Variants in MBNL2 observed in about 807,000 individuals in gnomAD.
MBNL2 encodes muscleblind-like protein 2.
Under a neutral mutation model 41.9 loss-of-function variants are expected in MBNL2, and 17 were observed. That is an observed-to-expected ratio of 0.41 (90% confidence interval 0.28 to 0.61). MBNL2 has a LOEUF of 0.61. MBNL2 is among the 20% of genes least tolerant of loss of function. The pLI is 0.35. For missense variants in MBNL2, 336 were observed against 505.6 expected (o/e 0.66, Z 3.22); for synonymous variants, 195 against 182.9 (o/e 1.07, Z -0.53).
chr13:97,323,295 T>C (rs942873885), intron 2 of MBNL2, among the ~76,000 whole-genome samples: 1 of 152,226 alleles, frequency 6.6e-6, no homozygotes, highest in Non-Finnish European at 1.5e-5. Flanking sequence ...AAAAATTGAC[T>C]AGCTTCTGGA....
upstream of MBNL2, among the ~76,000 whole-genome samples, chr13:97,221,899 C>A (rs2040891035): frequency 2.0e-5 from 3 of 152,132 alleles, no homozygotes; most frequent in South Asian, 4.1e-4. Context: ...CCATGGCAGA[C>A]GTTGAATTAT....
At chr13:97,215,547 G>A in the MBNL2 span, among the ~76,000 whole-genome samples, 1 of 152,228 alleles carries the variant, frequency 6.6e-6, no homozygotes, top group Non-Finnish European at 1.5e-5. Context: ...CAGGAAATGA[G>A]AGTTGTGGTT....
chr13:97,328,262 C>G (rs1177972724), intron 2 of MBNL2, among the ~76,000 whole-genome samples: 1 of 150,396 alleles, frequency 6.6e-6, no homozygotes, highest in African/African-American at 2.5e-5. Flanking sequence ...AGAGCAAGAG[C>G]CTTTGTCTTG....
At chr13:97,183,612 G>A in the MBNL2 span, among the ~76,000 whole-genome samples, 3 of 152,146 alleles carry the variant, frequency 2.0e-5, no homozygotes, top group Non-Finnish European at 2.9e-5. Flanking sequence ...TTTACAGTTT[G>A]ACAATTTTAC....
At chr13:97,178,619 G>A in the MBNL2 span, among the ~76,000 whole-genome samples, 3 of 152,190 alleles carry the variant, frequency 2.0e-5, no homozygotes, top group South Asian at 2.1e-4. Flanking sequence ...TAGTAAGCCA[G>A]GCACAATAGC....
chr13:97,352,053 TAAATAAATAATA>T (rs1438365306), intron 5 of MBNL2, among the ~76,000 whole-genome samples: 54 of 134,692 alleles, frequency 4.0e-4, no homozygotes, highest in African/African-American at 1.5e-3. Context: ...AATAAATAAA[TAAATAAATAATA>T]AATAAATAAA....
intron 5 of MBNL2, among the ~76,000 whole-genome samples, chr13:97,354,932 TGAG>T (rs967580805): frequency 6.6e-6 from 1 of 152,168 alleles, no homozygotes; most frequent in African/African-American, 2.4e-5. Flanking sequence ...ATGTGCTCTA[TGAG>T]AATAGGCTTT....
the MBNL2 span, among the ~76,000 whole-genome samples, chr13:97,212,444 C>A: frequency 5.3e-5 from 8 of 152,154 alleles, no homozygotes; most frequent in Non-Finnish European, 1.2e-4. Flanking sequence ...ATTGCCTGAT[C>A]CCCTCTACCA....
At chr13:97,145,718 T>C in the MBNL2 span, among the ~76,000 whole-genome samples, 1 of 152,228 alleles carries the variant, frequency 6.6e-6, no homozygotes, top group Non-Finnish European at 1.5e-5. Context: ...TGTAACTATA[T>C]TATGAAATAA....
intron 1 of MBNL2, among the ~76,000 whole-genome samples, chr13:97,238,101 T>C (rs1594075609): frequency 2.0e-5 from 3 of 152,250 alleles, no homozygotes; most frequent in African/African-American, 7.2e-5. Flanking sequence ...TTGGCTCTGA[T>C]CATTAAGAGT....
chr13:97,382,153 A>G (rs1594295112), intron 8 of MBNL2, among the ~76,000 whole-genome samples: 1 of 152,214 alleles, frequency 6.6e-6, no homozygotes, highest in Non-Finnish European at 1.5e-5. Context: ...ATCCTGCTTT[A>G]GTACACATAC....
chr13:97,298,435 G>A (rs948916697), intron 2 of MBNL2, among the ~76,000 whole-genome samples: 1 of 152,162 alleles, frequency 6.6e-6, no homozygotes, highest in Non-Finnish European at 1.5e-5. Flanking sequence ...CACCTAGAAT[G>A]CAGGCTGGAA....
rs552317962 is a variant in MBNL2, at chr13:97,338,606, G to A, written c.339+4166G>A. 2.0e-5 allele frequency among the ~76,000 whole-genome samples: 3 copies of A among 152,206 alleles called. No homozygotes were observed. In the South Asian group the frequency reaches 6.2e-4, roughly 32 times the overall value. On this transcript the variant is annotated intron_variant, in intron 3 of 8. Transcript: ENST00000679496. ...AGCAGCTTTTCTCTCCCCAATTCCT[G>A]ATAGAATAGGACAGGAATTCTTCCC...
intron 1 of MBNL2, among the ~76,000 whole-genome samples, chr13:97,262,232 A>G (rs2048772964): frequency 6.6e-6 from 1 of 152,156 alleles, no homozygotes; most frequent in Admixed American, 6.5e-5. Context: ...TTCTCCAGGC[A>G]CTGAGTGCCT....
chr13:97,183,639 G>A, the MBNL2 span, among the ~76,000 whole-genome samples: 7 of 152,152 alleles, frequency 4.6e-5, no homozygotes, highest in Non-Finnish European at 7.3e-5. Flanking sequence ...AGTTGGGTAC[G>A]CCTCCAAAAG....
At position 97,276,144 on chromosome 13, in the gene MBNL2, G is replaced by A; in HGVS notation, c.-92G>A. 2 of 944,236 alleles carry A rather than the reference G, an allele frequency of 2.1e-6. No homozygotes were observed. Among genetic ancestry groups the A allele is most frequent in the South Asian group, 3.0e-5 (2 of 66,066 alleles). The allele number at this position is 944,236 out of a possible 1,614,324, so 58.5% of individuals were successfully genotyped here. On this transcript the variant is annotated 5_prime_UTR_variant, in exon 2 of 9. An upstream open reading frame in the 5' UTR gains an earlier in-frame stop. Transcript: ENST00000679496. ...ATCACTCACCTTCAGACTTACATGT[G>A]GGAGTTTTCACAACAGTAGTTTTGG...
At chr13:97,373,559 T>C (rs962093198) in intron 8 of MBNL2, among the ~76,000 whole-genome samples, 2 of 151,214 alleles carry the variant, frequency 1.3e-5, no homozygotes, top group African/African-American at 2.4e-5. Flanking sequence ...TTCCACTGTA[T>C]GCATGGCTAA....
chr13:97,239,991 T>C (rs1319089909), intron 1 of MBNL2, among the ~76,000 whole-genome samples: 1 of 152,212 alleles, frequency 6.6e-6, no homozygotes, highest in Admixed American at 6.5e-5. Flanking sequence ...AGTTGTATTT[T>C]CTTTCCATAC....
chr13:97,306,562 A>T (rs1346650372), intron 2 of MBNL2, among the ~76,000 whole-genome samples: 6 of 152,218 alleles, frequency 3.9e-5, no homozygotes, highest in African/African-American at 1.4e-4. Context: ...TGATTTGTAG[A>T]CATGATGGAG....
Sources: gnomAD v4.1 joint callset for allele counts (sites outside exome capture counted in the v4.1 genomes callset) on GRCh38, gnomAD v4.1.1 for gene constraint, MANE v1.5 for transcripts, NCBI Gene and HGNC (gene_info 2026-07-23, HGNC 2026-07-21) for gene names.